CDCA7L: variants seen among roughly 807,000 people sequenced by gnomAD.
The protein encoded by CDCA7L is cell division cycle-associated 7-like protein.
A neutral mutation model predicts 57.4 loss-of-function variants in CDCA7L; 44 were observed. That is an observed-to-expected ratio of 0.77 (90% CI 0.60 to 0.98). The LOEUF (loss-of-function observed/expected upper bound fraction) is 0.98, where lower values mean the gene tolerates loss of function less well. Ranked by LOEUF, CDCA7L falls within the 50% of genes least tolerant of loss-of-function variation. The pLI is 0.00. For missense variants in CDCA7L, 644 were observed against 580.6 expected (o/e 1.11, Z -1.12); for synonymous variants, 236 against 202.8 (o/e 1.16, Z -1.39).
intron 3 of CDCA7L, among the ~76,000 whole-genome samples, chr7:21,910,483 G>C (rs911553501): frequency 6.6e-6 from 1 of 152,174 alleles, no homozygotes; most frequent in Admixed American, 6.5e-5. Context: ...AGGAGTCACG[G>C]CTTATTTATA....
chr7:21,923,865 C>G (rs1029229869), intron 1 of CDCA7L, among the ~76,000 whole-genome samples: 16 of 152,222 alleles, frequency 1.1e-4, no homozygotes, highest in Admixed American at 7.8e-4. Flanking sequence ...TTGCTGCTGG[C>G]TTCTCGTTGA....
chr7:21,912,752 G>A (rs370624116), intron 2 of CDCA7L, among the ~76,000 whole-genome samples: 7 of 152,216 alleles, frequency 4.6e-5, no homozygotes, highest in Non-Finnish European at 7.4e-5. Context: ...TCACCCCCAG[G>A]AATTTCTCTC....
At position 21,939,194 on chromosome 7, in the gene CDCA7L, G is replaced by A. The variant is rs141819017; in HGVS notation, c.24+6587C>T. 1.6e-4 allele frequency among the ~76,000 whole-genome samples: 24 copies of A among 152,280 alleles called. No individual in the cohort carries two copies. The East Asian group carries it at 2.1e-3, about 13-fold the overall frequency. ...AAAACAGAAGTAACCAGGGGCTGGA[G>A]GAAGAGGTCATAGGGGTAATTGTTT... On this transcript the variant is annotated intron_variant, in intron 1 of 9. Transcript: ENST00000406877.
chr7:21,908,805 C>T (rs916839543), intron 3 of CDCA7L, among the ~76,000 whole-genome samples: 3 of 152,082 alleles, frequency 2.0e-5, no homozygotes, highest in East Asian at 3.9e-4. Flanking sequence ...GTTCCTCCAC[C>T]GTGGGACAAC....
intron 1 of CDCA7L, among the ~76,000 whole-genome samples, chr7:21,922,807 T>C (rs920840182): frequency 5.3e-5 from 8 of 152,118 alleles, no homozygotes; most frequent in African/African-American, 4.8e-5. Context: ...ATGTGAGACA[T>C]ACATATAATT....
chr7:21,923,727 T>C (rs1345537749), intron 1 of CDCA7L, among the ~76,000 whole-genome samples: 6 of 152,244 alleles, frequency 3.9e-5, no homozygotes, highest in Non-Finnish European at 7.3e-5. Context: ...ACCAGGTATC[T>C]GAGCCTGTAA....
At chr7:21,930,757 G>A (rs1359094463) in intron 1 of CDCA7L, among the ~76,000 whole-genome samples, 1 of 137,914 alleles carries the variant, frequency 7.3e-6, no homozygotes, top group East Asian at 2.1e-4. Context: ...AAATTCAAAA[G>A]CTAGCAGAAG....
Position 21,900,950 on chromosome 7 carries a change from T to C in CDCA7L, c.*1372A>G, listed in dbSNP as rs1562613976. On this transcript the variant is annotated 3_prime_UTR_variant, in exon 10 of 10. Coordinates refer to ENST00000406877, the MANE Select transcript of CDCA7L (RefSeq NM_018719.5). ...TTATTGCATCAAACAACTTACTTGA[T>C]CATTATCATTAGTAGCAAGCTGCCA... The C allele has an allele frequency of 2.7e-6, 4 of 1,508,946 alleles. No individual in the cohort carries two copies. Among genetic ancestry groups the C allele is most frequent in the Non-Finnish European group, 3.5e-6 (4 of 1,130,192 alleles). 93.5% of individuals were successfully genotyped at this position (1,508,946 alleles called of 1,614,324 possible). A position where few individuals can be genotyped will look rare whatever the true frequency, so the allele number is the denominator to read the frequency against.
At chr7:21,913,604 T>C (rs1416076232) in intron 2 of CDCA7L, among the ~76,000 whole-genome samples, 1 of 152,216 alleles carries the variant, frequency 6.6e-6, no homozygotes, top group African/African-American at 2.4e-5. Context: ...CACAGAGCCT[T>C]GGGCCAGCCC....
At chr7:21,922,356 T>C (rs1418442942) in intron 1 of CDCA7L, among the ~76,000 whole-genome samples, 2 of 152,068 alleles carry the variant, frequency 1.3e-5, no homozygotes, top group African/African-American at 2.4e-5. Context: ...TGTAGGACAA[T>C]ATGGGATGGT....
intron 1 of CDCA7L, among the ~76,000 whole-genome samples, chr7:21,919,648 C>T (rs553586674): frequency 6.6e-6 from 1 of 152,238 alleles, no homozygotes; most frequent in East Asian, 1.9e-4. Context: ...GAGGCTTCTT[C>T]CTCTGCTCCC....
Position 21,902,318 on chromosome 7 carries a change from C to A in CDCA7L, c.*4G>T. The A allele has an allele frequency of 6.2e-7, 1 of 1,613,902 alleles. No homozygotes were observed. Among genetic ancestry groups the A allele is most frequent in the Non-Finnish European group, 8.5e-7 (1 of 1,179,890 alleles). ...TGAGGTGGCTGGTTCTGTTTGTTTTCCTCTTAATTGTCTTCTACCAGCTCC... is the reference window on the plus strand; with the variant it reads ...TGAGGTGGCTGGTTCTGTTTGTTTTACTCTTAATTGTCTTCTACCAGCTCC... On this transcript the variant is annotated 3_prime_UTR_variant, in exon 10 of 10. Coordinates refer to ENST00000406877, the MANE Select transcript of CDCA7L (RefSeq NM_018719.5).
Position 21,902,022 on chromosome 7 carries a change from C to T in CDCA7L, c.*300G>A, listed in dbSNP as rs1583833378. The T allele has an allele frequency of 2.5e-6, 1 of 397,136 alleles. No homozygotes were observed. The allele number at this position is 397,136 out of a possible 1,614,324, so 24.6% of individuals were successfully genotyped here. A position where few individuals can be genotyped will look rare whatever the true frequency, so the allele number is the denominator to read the frequency against. ...CATACAATGTTTTCTCTCTAACTTA[C>T]TTACCTGAACTTTAACCCCACCCCA... is the stretch of plus-strand genomic sequence containing the variant. On this transcript the variant is annotated 3_prime_UTR_variant, in exon 10 of 10. Coordinates refer to ENST00000406877, the MANE Select transcript of CDCA7L (RefSeq NM_018719.5).
At chr7:21,930,565 C>T (rs947748713) in intron 1 of CDCA7L, among the ~76,000 whole-genome samples, 3 of 151,782 alleles carry the variant, frequency 2.0e-5, no homozygotes, top group Non-Finnish European at 2.9e-5. Flanking sequence ...GGCGTGGTGG[C>T]GGGTGCCTGT....
chr7:21,906,237 G>A (rs1785134267), intron 6 of CDCA7L, 52 bp downstream of exon 6: 1 of 1,524,290 alleles, frequency 6.6e-7, no homozygotes, highest in Non-Finnish European at 8.9e-7. Flanking sequence ...GTTCACGTTT[G>A]GAGGGATGGT....
intron 9 of CDCA7L, chr7:21,902,605 T>C: frequency 1.9e-6 from 1 of 512,928 alleles, no homozygotes; most frequent in Non-Finnish European, 3.5e-6. Context: ...AACTTGTAAC[T>C]CACATTCTGT....
intron 7 of CDCA7L, 74 bp downstream of exon 7, chr7:21,905,432 G>A: frequency 6.6e-7 from 1 of 1,526,494 alleles, no homozygotes; most frequent in Non-Finnish European, 9.0e-7. Context: ...CCCTGATAGA[G>A]TTTAAAAACA....
chr7:21,901,448 G>A lies in CDCA7L; in HGVS notation c.*874C>T, dbSNP rs190415973. The A allele has an allele frequency of 5.9e-5, 40 of 674,654 alleles. No homozygotes were observed. The highest frequency in any genetic ancestry group is 1.9e-4 in the East Asian group (5 of 26,182). 41.8% of individuals were successfully genotyped at this position (674,654 alleles called of 1,614,324 possible). The stretch of plus-strand genomic sequence containing the variant: ...CTCAGGGCTGAGCGTGGTGGCACAC[G>A]ACTGTAATCCCAGTTACTCAGGAGG... On this transcript the variant is annotated 3_prime_UTR_variant, in exon 10 of 10. Coordinates refer to ENST00000406877, the MANE Select transcript of CDCA7L (RefSeq NM_018719.5).
chr7:21,906,757 AT>A (rs1262697321), intron 4 of CDCA7L, 118 bp from the exon 5 acceptor site: 1 of 869,286 alleles, frequency 1.2e-6, no homozygotes, highest in East Asian at 2.6e-5. Flanking sequence ...TGAATAGTTT[AT>A]ATAACCCACA....
Sources: gnomAD v4.1 joint callset for allele counts (sites outside exome capture counted in the v4.1 genomes callset) on GRCh38, gnomAD v4.1.1 for gene constraint, MANE v1.5 for transcripts, NCBI Gene and HGNC (gene_info 2026-07-23, HGNC 2026-07-21) for gene names.